The following MKLN1 variants were observed in gnomAD, a reference collection of about 807,000 sequenced individuals.
MKLN1 encodes muskelin.
A neutral mutation model predicts 99.0 loss-of-function variants in MKLN1; 18 were observed. The ratio of observed to expected loss-of-function variants is 0.18; its 90% CI spans 0.13 to 0.27. The LOEUF is 0.27. Ranked by LOEUF, MKLN1 falls within the 10% of genes least tolerant of loss-of-function variation. The probability of loss-of-function intolerance (pLI) is 1.00; values close to 1 mark genes in which losing one functional copy is unlikely to be tolerated. For missense variants in MKLN1, 621 were observed against 875.9 expected, an observed-to-expected ratio of 0.71 and a Z score of 3.67; for synonymous variants, 288 against 293.2, an observed-to-expected ratio of 0.98 and a Z score of 0.18.
rs551527064 is a variant in MKLN1, at chr7:131,309,407, AT to A, written c.-178-66006del. Among the ~76,000 whole-genome samples the A allele has an allele frequency of 1.5e-3, 225 of 147,192 alleles. 1 individual carries two copies. The highest frequency in any genetic ancestry group is 3.9e-3 in the African/African-American group (158 of 40,342). ...TCTGAGTAGCAGCAGTTACAAGTGG[AT>A]TTTTTTTTTTGGAGGCAGTTTCACT... On this transcript the variant is annotated intron_variant, in intron 3 of 7. Coordinates refer to the MKLN1 transcript ENST00000416992.
chr7:131,398,099 T>A (rs1057354185), intron 5 of MKLN1, among the ~76,000 whole-genome samples: 1 of 152,194 alleles, frequency 6.6e-6, no homozygotes, highest in African/African-American at 2.4e-5. Flanking sequence ...AAACACATTA[T>A]TTTCTTGCCT....
rs147902918 is a variant in MKLN1, at chr7:131,114,849, T to C, written c.-419+4642T>C. 5.1e-3 allele frequency among the ~76,000 whole-genome samples: 768 copies of C among 151,236 alleles called. 5 individuals carry two copies. The highest frequency in any genetic ancestry group is 0.018 in the African/African-American group (726 of 41,154). On this transcript the variant is annotated intron_variant, in intron 1 of 7. Coordinates refer to the MKLN1 transcript ENST00000416992. Reference sequence around the variant, plus strand: ...CTACTCAGGAGCTGAGACACAAGAATCTCTTGAACCCAGGAGGCAGAGGTT... The same window carrying C: ...CTACTCAGGAGCTGAGACACAAGAACCTCTTGAACCCAGGAGGCAGAGGTT...
At chr7:131,251,379 C>T (rs966840503) in intron 3 of MKLN1, among the ~76,000 whole-genome samples, 1 of 152,114 alleles carries the variant, frequency 6.6e-6, no homozygotes, top group Non-Finnish European at 1.5e-5. Flanking sequence ...TGGCTTTGGC[C>T]GGTTGCTCTC....
intron 3 of MKLN1, among the ~76,000 whole-genome samples, chr7:131,272,004 A>G (rs573287890): frequency 6.6e-6 from 1 of 151,712 alleles, no homozygotes; most frequent in African/African-American, 2.4e-5. Flanking sequence ...GTACATCTCC[A>G]TGGGGGCAGG....
intron 3 of MKLN1, among the ~76,000 whole-genome samples, chr7:131,234,906 G>A (rs1248630180): frequency 2.0e-5 from 3 of 151,956 alleles, no homozygotes; most frequent in Non-Finnish European, 2.9e-5. Context: ...TAATTCATTC[G>A]GATGCTTGCT....
At chr7:131,220,329 C>A (rs1350394892) in intron 3 of MKLN1, among the ~76,000 whole-genome samples, 1 of 151,518 alleles carries the variant, frequency 6.6e-6, no homozygotes, top group Non-Finnish European at 1.5e-5. Flanking sequence ...AGGATCAAGC[C>A]CCCATTTTTT....
intron 3 of MKLN1, among the ~76,000 whole-genome samples, chr7:131,205,189 TA>T (rs1796791818): frequency 6.6e-6 from 1 of 152,146 alleles, no homozygotes; most frequent in South Asian, 2.1e-4. Context: ...ATGAGGCTTC[TA>T]AAGTTAGCCC....
chr7:131,359,512 G>A (rs1563310147), intron 1 of MKLN1, among the ~76,000 whole-genome samples: 1 of 152,138 alleles, frequency 6.6e-6, no homozygotes, highest in Admixed American at 6.5e-5. Context: ...CTAGTTGATT[G>A]ATGATGCTCT....
chr7:131,201,451 A>G (rs1041139851), intron 2 of MKLN1, among the ~76,000 whole-genome samples: 1 of 152,220 alleles, frequency 6.6e-6, no homozygotes, highest in Non-Finnish European at 1.5e-5. Flanking sequence ...ATATCTCTTC[A>G]TGGTACAATA....
At chr7:131,270,891 C>T (rs1797874473) in intron 3 of MKLN1, among the ~76,000 whole-genome samples, 1 of 151,036 alleles carries the variant, frequency 6.6e-6, no homozygotes, top group African/African-American at 2.4e-5. Flanking sequence ...GGGGTCTTTC[C>T]TCCTCTGTAA....
chr7:131,448,583 G>A (rs1232040862), intron 12 of MKLN1, among the ~76,000 whole-genome samples: 1 of 152,072 alleles, frequency 6.6e-6, no homozygotes, highest in Non-Finnish European at 1.5e-5. Flanking sequence ...CTTATTTATT[G>A]TATAAAAGTT....
At chr7:131,359,060 G>GT (rs771374912) in intron 1 of MKLN1, among the ~76,000 whole-genome samples, 41 of 151,822 alleles carry the variant, frequency 2.7e-4, no homozygotes, top group Non-Finnish European at 4.9e-4. Flanking sequence ...TTTCTGCTTT[G>GT]TTTATGCTTC....
At chr7:131,401,233 G>T (rs558490042) in intron 6 of MKLN1, among the ~76,000 whole-genome samples, 2 of 152,150 alleles carry the variant, frequency 1.3e-5, no homozygotes, top group Non-Finnish European at 2.9e-5. Flanking sequence ...TTAAGAAAGT[G>T]TAAGGCTCTA....
chr7:131,192,300 TAAATATATAAA>T (rs1429057426), intron 2 of MKLN1, among the ~76,000 whole-genome samples: 2 of 66,326 alleles, frequency 3.0e-5, no homozygotes, highest in African/African-American at 1.4e-4. Context: ...ATACAATATA[TAAATATATAAA>T]ATATAATATA....
intron 12 of MKLN1, among the ~76,000 whole-genome samples, chr7:131,449,095 G>T (rs1796103224): frequency 6.6e-6 from 1 of 152,200 alleles, no homozygotes; most frequent in Non-Finnish European, 1.5e-5. Context: ...AACAGAGTAG[G>T]TTGGGAAACC....
intron 3 of MKLN1, among the ~76,000 whole-genome samples, chr7:131,238,198 A>T (rs1050559803): frequency 6.6e-5 from 10 of 152,186 alleles, no homozygotes; most frequent in Non-Finnish European, 1.3e-4. Flanking sequence ...GCTCAGACTC[A>T]TCTTGTGTGC....
intron 1 of MKLN1, among the ~76,000 whole-genome samples, chr7:131,346,074 A>T (rs1213610204): frequency 6.6e-6 from 1 of 152,250 alleles, no homozygotes; most frequent in Admixed American, 6.5e-5. Context: ...TTACATTTAC[A>T]TTTTGTAAAA....
intron 3 of MKLN1, among the ~76,000 whole-genome samples, chr7:131,280,094 C>T (rs1195377020): frequency 1.3e-5 from 2 of 152,156 alleles, no homozygotes; most frequent in African/African-American, 4.8e-5. Context: ...GGTTCCTTCA[C>T]TTGTTTTCCA....
intron 1 of MKLN1, among the ~76,000 whole-genome samples, chr7:131,346,584 A>G (rs922100698): frequency 2.0e-5 from 3 of 152,062 alleles, no homozygotes; most frequent in African/African-American, 7.2e-5. Flanking sequence ...CTTTGCAACA[A>G]TTATAAGGTA....
Sources: allele counts gnomAD v4.1 joint callset (sites outside exome capture counted in the v4.1 genomes callset), GRCh38; gene constraint gnomAD v4.1.1; transcripts MANE v1.5; gene names NCBI Gene and HGNC (gene_info 2026-07-23, HGNC 2026-07-21).